EYS: variants seen among roughly 807,000 people sequenced by gnomAD.
EYS encodes protein eyes shut homolog.
In EYS, 250 loss-of-function variants were observed where a neutral mutation model predicts 282.1. The ratio of observed to expected loss-of-function variants is 0.89; its 90% confidence interval spans 0.80 to 0.98. The LOEUF (loss-of-function observed/expected upper bound fraction) is 0.98. EYS is among the 50% of genes least tolerant of loss of function. EYS has a pLI of 0.00. For missense variants in EYS, 4,016 were observed against 3,709.0 expected (o/e 1.08, Z -2.15); for synonymous variants, 1,355 against 1,282.9 (o/e 1.06, Z -1.20).
At position 64,693,875 on chromosome 6, in the gene EYS, TATACTC is replaced by T. The variant is rs572121642; in HGVS notation, c.3444-67636_3444-67631del. Reference sequence around the variant, plus strand: ...CCAAACATACATCAAACTAAAGAATTATACTCATACATATATTTGTTCACATATATG... The same window carrying T: ...CCAAACATACATCAAACTAAAGAATTATACATATATTTGTTCACATATATG... On this transcript the variant is annotated intron_variant, in intron 22 of 42. Coordinates refer to ENST00000503581, the MANE Select transcript of EYS (RefSeq NM_001142800.2). Among the ~76,000 whole-genome samples, 19 of 152,214 alleles carry T rather than the reference TATACTC, an allele frequency of 1.2e-4. No homozygotes were observed. In the South Asian group the frequency reaches 2.9e-3, roughly 23 times the overall value.
chr6:64,351,342 G>A (rs1292992803), intron 29 of EYS, among the ~76,000 whole-genome samples: 2 of 151,422 alleles, frequency 1.3e-5, no homozygotes, highest in South Asian at 2.1e-4. Context: ...TTCTGACAGA[G>A]GTCGGCTAAA....
intron 11 of EYS, chr6:65,302,432 C>G: frequency 1.6e-6 from 1 of 632,734 alleles, no homozygotes; most frequent in Non-Finnish European, 2.9e-6. Flanking sequence ...AGATTAAACC[C>G]ATTTCACGAG....
intron 28 of EYS, among the ~76,000 whole-genome samples, chr6:64,398,901 T>G (rs998011749): frequency 2.6e-5 from 4 of 151,974 alleles, no homozygotes; most frequent in East Asian, 3.9e-4. Context: ...GGATTCTGTA[T>G]TTAGAAGCAA....
intron 29 of EYS, among the ~76,000 whole-genome samples, chr6:64,387,725 T>G (rs2150424176): frequency 6.6e-6 from 1 of 152,254 alleles, no homozygotes; most frequent in Admixed American, 6.5e-5. Flanking sequence ...AAATATCTGT[T>G]TAATGATCAA....
intron 2 of EYS, among the ~76,000 whole-genome samples, chr6:65,584,554 A>T (rs73742010): frequency 0.03 from 4,584 of 152,030 alleles, 171 homozygotes; most frequent in African/African-American, 0.092. Context: ...AAGAATTAGT[A>T]ACTTTTAGTT....
At chr6:63,846,648 T>G (rs771374733) in intron 36 of EYS, among the ~76,000 whole-genome samples, 6 of 152,186 alleles carry the variant, frequency 3.9e-5, no homozygotes, top group Non-Finnish European at 8.8e-5. Context: ...GGCAGTAAAA[T>G]GCTTACTTTC....
intron 13 of EYS, among the ~76,000 whole-genome samples, chr6:65,035,622 A>G (rs1561933189): frequency 2.0e-5 from 3 of 152,052 alleles, no homozygotes; most frequent in Non-Finnish European, 4.4e-5. Context: ...ACAGCTAAAC[A>G]GGGTTGTTAA....
chr6:63,968,910 TGAAAAGTA>T (rs2149781769), intron 35 of EYS, among the ~76,000 whole-genome samples: 1 of 152,318 alleles, frequency 6.6e-6, no homozygotes, highest in East Asian at 1.9e-4. Context: ...TAGGAATATG[TGAAAAGTA>T]GATCTATATT....
intron 29 of EYS, among the ~76,000 whole-genome samples, chr6:64,309,447 C>G (rs1769586302): frequency 6.6e-6 from 1 of 152,168 alleles, no homozygotes; most frequent in South Asian, 2.1e-4. Flanking sequence ...TGAGTAAATT[C>G]AAAATTTCTT....
chr6:64,339,293 A>AG (rs1310514899), intron 29 of EYS, among the ~76,000 whole-genome samples: 2 of 151,992 alleles, frequency 1.3e-5, no homozygotes, highest in East Asian at 3.9e-4. Flanking sequence ...AGAAAAAAAA[A>AG]GCAATCCCAT....
intron 30 of EYS, among the ~76,000 whole-genome samples, chr6:64,259,650 GCACACACACACA>G (rs1554222995): frequency 6.9e-6 from 1 of 145,604 alleles, no homozygotes; most frequent in Non-Finnish European, 1.5e-5. Flanking sequence ...TTACACACGC[GCACACACACACA>G]CACACACACA....
chr6:64,755,369 T>A (rs1399774753), intron 22 of EYS, among the ~76,000 whole-genome samples: 2 of 152,098 alleles, frequency 1.3e-5, no homozygotes, highest in African/African-American at 4.8e-5. Context: ...AGATTCAGTG[T>A]AATTCCTCTC....
chr6:64,275,817 T>G (rs1768097777), intron 30 of EYS, among the ~76,000 whole-genome samples: 1 of 148,792 alleles, frequency 6.7e-6, no homozygotes, highest in Non-Finnish European at 1.5e-5. Context: ...AATAAAAAAA[T>G]AGCTGGGCGT....
At chr6:64,193,468 G>A (rs1765179739) in intron 31 of EYS, among the ~76,000 whole-genome samples, 1 of 151,712 alleles carries the variant, frequency 6.6e-6, no homozygotes. Context: ...CTGCCACCAT[G>A]CCCGGCTAAT....
Position 64,674,413 on chromosome 6 carries a change from A to G in EYS, c.3444-48168T>C, listed in dbSNP as rs60951640. On this transcript the variant is annotated intron_variant, in intron 22 of 42. Coordinates refer to ENST00000503581, the MANE Select transcript of EYS (RefSeq NM_001142800.2). ...AAGGGATTTAAGAACTTTATTTTATAAGTCAGGATCTCTATTTATACAGGA... is the reference window on the plus strand; with the variant it reads ...AAGGGATTTAAGAACTTTATTTTATGAGTCAGGATCTCTATTTATACAGGA... 7.2e-4 allele frequency among the ~76,000 whole-genome samples: 109 copies of G among 152,048 alleles called. 2 individuals carry two copies. The East Asian group carries it at 0.018, about 26-fold the overall frequency.
chr6:64,030,416 A>G (rs963377122), intron 33 of EYS, among the ~76,000 whole-genome samples: 1 of 152,200 alleles, frequency 6.6e-6, no homozygotes, highest in African/African-American at 2.4e-5. Flanking sequence ...AACGAAATCT[A>G]TTCTTACTTT....
intron 12 of EYS, among the ~76,000 whole-genome samples, chr6:65,077,101 T>G (rs7743705): frequency 6.6e-6 from 1 of 151,910 alleles, no homozygotes; most frequent in African/African-American, 2.4e-5. Flanking sequence ...CAGCATCAGG[T>G]GTGGAAGCAG....
At chr6:64,722,827 A>T (rs1771627033) in intron 22 of EYS, among the ~76,000 whole-genome samples, 2 of 152,236 alleles carry the variant, frequency 1.3e-5, no homozygotes, top group South Asian at 2.1e-4. Context: ...ATTCTTTAGA[A>T]CATGAATAAG....
intron 31 of EYS, among the ~76,000 whole-genome samples, chr6:64,193,109 T>C (rs909735247): frequency 6.6e-6 from 1 of 152,238 alleles, no homozygotes; most frequent in Non-Finnish European, 1.5e-5. Flanking sequence ...TTTGTAGAAA[T>C]TTCTTTCTTC....
Sources: allele counts gnomAD v4.1 joint callset (sites outside exome capture counted in the v4.1 genomes callset), GRCh38; gene constraint gnomAD v4.1.1; transcripts MANE v1.5; gene names NCBI Gene and HGNC (gene_info 2026-07-23, HGNC 2026-07-21).